The following SMC5 variants were observed in gnomAD, a reference collection of about 807,000 sequenced individuals.
SMC5 encodes structural maintenance of chromosomes protein 5.
SMC5 carries 88 observed loss-of-function variants against 148.3 expected under a neutral mutation model. That is an observed-to-expected ratio of 0.59 (90% confidence interval 0.50 to 0.71). SMC5 has a LOEUF of 0.71. Among genes scored for constraint, SMC5 ranks in the 30% least tolerant of loss-of-function variants. SMC5 has a pLI of 0.00. For missense variants in SMC5, 1,142 were observed against 1,298.9 expected (o/e 0.88, Z 1.86); for synonymous variants, 421 against 432.8 (o/e 0.97, Z 0.34).
intron 5 of SMC5, 129 bp from the exon 6 acceptor site, chr9:70,280,630 A>T (rs546252836): frequency 1.2e-6 from 1 of 805,706 alleles, no homozygotes; most frequent in Non-Finnish European, 1.9e-6. Flanking sequence ...TGGAGTCTAC[A>T]TAGTTCTTAA....
intron 7 of SMC5, among the ~76,000 whole-genome samples, chr9:70,284,543 G>A (rs1391146686): frequency 6.6e-6 from 1 of 152,022 alleles, no homozygotes; most frequent in Non-Finnish European, 1.5e-5. Context: ...CTTTTGTAGT[G>A]GAAAATATGT....
At chr9:70,344,342 G>GT (rs2036606340) in intron 18 of SMC5, 73 bp downstream of exon 18, 1 of 1,179,706 alleles carries the variant, frequency 8.5e-7, no homozygotes. Flanking sequence ...CTTAGCCATT[G>GT]TAACAGGCCG....
rs1050298776 is a variant in SMC5 at position 70,344,196 on chromosome 9, A to C, written c.2450A>C (p.Lys817Thr). The C allele has an allele frequency of 6.4e-7, 1 of 1,562,780 alleles. No homozygotes were observed. The highest frequency in any genetic ancestry group is 8.7e-7 in the Non-Finnish European group (1 of 1,152,894). ...ENRQRLLQKC[K>T]ELMKRARQVC... ...AGACAGAGATTATTGCAGAAATGCA[A>C]GGAACTTATGAAAAGAGCTAGGCAA... The change falls in exon 18 of 25, where the codon AAG becomes ACG. Residue 817 changes from lysine (K) to threonine (T), a missense_variant. Transcript: ENST00000361138.
intron 8 of SMC5, among the ~76,000 whole-genome samples, chr9:70,290,611 T>C (rs2035031201): frequency 6.6e-6 from 1 of 152,192 alleles, no homozygotes; most frequent in Non-Finnish European, 1.5e-5. Flanking sequence ...TTTGTGTAGA[T>C]TCAGAGTACT....
At chr9:70,259,834 C>T (rs1487566013) in intron 1 of SMC5, among the ~76,000 whole-genome samples, 3 of 152,182 alleles carry the variant, frequency 2.0e-5, no homozygotes, top group Non-Finnish European at 4.4e-5. Context: ...TCCTCCCTCT[C>T]CCCTTCAGAC....
At chr9:70,296,305 G>T (rs1213378289) in intron 8 of SMC5, among the ~76,000 whole-genome samples, 4 of 152,038 alleles carry the variant, frequency 2.6e-5, no homozygotes. Flanking sequence ...ATATAAGTAG[G>T]CATTAAAACG....
At chr9:70,323,116 A>G (rs1035271752) in intron 15 of SMC5, among the ~76,000 whole-genome samples, 2 of 152,218 alleles carry the variant, frequency 1.3e-5, no homozygotes, top group African/African-American at 4.8e-5. Flanking sequence ...TACCAAACAC[A>G]TCTTAACACT....
At chr9:70,323,943 GT>G (rs2036012127) in intron 16 of SMC5, 77 bp from the exon 17 acceptor site, 48 of 1,284,456 alleles carry the variant, frequency 3.7e-5, no homozygotes, top group Non-Finnish European at 4.9e-5. Context: ...TTATAATTTT[GT>G]TTTAAAAAAC....
chr9:70,343,193 A>G (rs2036570350), intron 17 of SMC5, among the ~76,000 whole-genome samples: 1 of 149,910 alleles, frequency 6.7e-6, no homozygotes, highest in African/African-American at 2.5e-5. Flanking sequence ...ATTACTGTGC[A>G]GTGTTTGTGA....
chr9:70,315,362 ATTGT>A (rs1421348458), intron 12 of SMC5, 80 bp from the exon 13 acceptor site: 1 of 844,234 alleles, frequency 1.2e-6, no homozygotes, highest in Non-Finnish European at 1.7e-6. Flanking sequence ...TGTTTTACTT[ATTGT>A]TTATTGGTGG....
intron 1 of SMC5, among the ~76,000 whole-genome samples, 179 bp downstream of exon 1, chr9:70,259,442 A>G (rs1169409121): frequency 6.6e-6 from 1 of 152,168 alleles, no homozygotes; most frequent in Non-Finnish European, 1.5e-5. Context: ...ATTGACGTGT[A>G]TGATGTAGGA....
At chr9:70,270,346 G>C (rs1313403016) in intron 3 of SMC5, among the ~76,000 whole-genome samples, 1 of 152,228 alleles carries the variant, frequency 6.6e-6, no homozygotes, top group African/African-American at 2.4e-5. Flanking sequence ...GCATATGGAT[G>C]TGTTTCGTAA....
intron 18 of SMC5, among the ~76,000 whole-genome samples, chr9:70,346,001 TGAGA>T (rs1351403562): frequency 6.6e-6 from 1 of 152,042 alleles, no homozygotes; most frequent in Non-Finnish European, 1.5e-5. Flanking sequence ...ACATGAAGGA[TGAGA>T]GAGAGAACCC....
At position 70,300,121 on chromosome 9, in the gene SMC5, A is replaced by G. The variant is rs751992422; in HGVS notation, c.1385A>G (p.Asp462Gly). The G allele has an allele frequency of 1.9e-6, 3 of 1,604,452 alleles. No individual in the cohort carries two copies. Among genetic ancestry groups the G allele is most frequent in the African/African-American group, 1.3e-5 (1 of 74,430 alleles). Residue 462 changes from aspartate (D) to glycine (G), a missense_variant, in exon 10 of 25, where the codon GAC (aspartate) becomes GGC (glycine). By Grantham distance (94) the Asp-to-Gly change is moderately conservative. Transcript: ENST00000361138. ...KEDKLRQRFRDTYDAVLWLRN... is the reference protein window; with the variant it reads ...KEDKLRQRFRGTYDAVLWLRN... ...GATAAGCTAAGACAGAGATTCCGTG[A>G]CACGTATGATGCTGTTTTATGGCTA...
At chr9:70,326,665 C>T (rs1451924024) in intron 17 of SMC5, among the ~76,000 whole-genome samples, 3 of 146,440 alleles carry the variant, frequency 2.0e-5, no homozygotes, top group African/African-American at 7.6e-5. Context: ...AAGCTACACT[C>T]ATCTAAATAG....
intron 17 of SMC5, among the ~76,000 whole-genome samples, chr9:70,337,801 G>C (rs2036402465): frequency 6.6e-6 from 1 of 151,818 alleles, no homozygotes; most frequent in Non-Finnish European, 1.5e-5. Context: ...TTTCTGGAAA[G>C]TAGGAAAGTT....
Position 70,353,089 on chromosome 9 carries a change from G to A in SMC5, c.*758G>A, listed in dbSNP as rs1377502612. The A allele has an allele frequency of 6.6e-6, 1 of 151,348 alleles. No homozygotes were observed. Among genetic ancestry groups the A allele is most frequent in the African/African-American group, 2.4e-5 (1 of 41,180 alleles). The allele number at this position is 151,348 out of a possible 1,614,324, so 9.4% of individuals were successfully genotyped here. On this transcript the variant is annotated 3_prime_UTR_variant, in exon 25 of 25. Coordinates refer to ENST00000361138, the MANE Select transcript of SMC5 (RefSeq NM_015110.4). ...TAACCTTTTAAAGTGTGGGGGCAGG[G>A]GTTGCTTTTTTTTATTTTATTTAAA...
At position 70,269,754 on chromosome 9, in the gene SMC5, G is replaced by A. The variant is rs561106546; in HGVS notation, c.380+1779G>A. 1.4e-3 allele frequency among the ~76,000 whole-genome samples: 209 copies of A among 152,258 alleles called. 1 individual carries two copies. The highest frequency in any genetic ancestry group is 4.8e-3 in the African/African-American group (201 of 41,564). On this transcript the variant is annotated intron_variant, in intron 3 of 24. Coordinates refer to ENST00000361138, the MANE Select transcript of SMC5 (RefSeq NM_015110.4). Reference sequence around the variant, plus strand: ...TTTGAAAAAGCAAAGTTGTAAATAAGATTTTTGTCTACCACATGTTGAAGT... The same window carrying A: ...TTTGAAAAAGCAAAGTTGTAAATAAAATTTTTGTCTACCACATGTTGAAGT...
At chr9:70,323,687 A>ACCAT in intron 16 of SMC5, 81 bp downstream of exon 16, 1 of 1,444,616 alleles carries the variant, frequency 6.9e-7, no homozygotes, top group Non-Finnish European at 9.3e-7. Context: ...GAGGGAGGGA[A>ACCAT]GGTTTTGATT....
Sources: gnomAD v4.1 joint callset for allele counts (sites outside exome capture counted in the v4.1 genomes callset) on GRCh38, gnomAD v4.1.1 for gene constraint, MANE v1.5 for transcripts, NCBI Gene and HGNC (gene_info 2026-07-23, HGNC 2026-07-21) for gene names.